PRRC2B: variants seen among roughly 807,000 people sequenced by gnomAD.
PRRC2B encodes the protein protein PRRC2B.
Under a neutral mutation model 242.3 loss-of-function variants are expected in PRRC2B, and 68 were observed. The observed-to-expected ratio is 0.28, with a 90% CI of 0.23 to 0.34. The LOEUF (loss-of-function observed/expected upper bound fraction) is 0.34. Ranked by LOEUF, PRRC2B falls within the 10% of genes least tolerant of loss-of-function variation. The pLI is 1.00. For synonymous variants in PRRC2B, 1,228 were observed against 1,173.6 expected (o/e 1.05, Z -0.95); for missense variants, 2,835 against 2,954.8 (o/e 0.96, Z 0.94).
At chr9:131,389,915 G>GTTGTT (rs1564271137), upstream of PRRC2B, among the ~76,000 whole-genome samples, 1 of 93,446 alleles carries the variant, frequency 1.1e-5, no homozygotes. Flanking sequence ...GAACATGGTT[G>GTTGTT]TTTTTTTTTT....
chr9:131,428,209 C>T (rs1361338466), intron 1 of PRRC2B, among the ~76,000 whole-genome samples: 4 of 151,924 alleles, frequency 2.6e-5, no homozygotes, highest in East Asian at 1.9e-4. Context: ...CGTGAGCCAC[C>T]GTGCCCGGCC....
chr9:131,486,077 G>T lies in PRRC2B; in HGVS notation c.5759-8G>T. 6.2e-7 allele frequency: 1 copy of T among 1,602,306 alleles called. No individual in the cohort carries two copies. The highest frequency in any genetic ancestry group is 8.5e-7 in the Non-Finnish European group (1 of 1,171,240). ...TCTTCTACGTCCCTTTTGCCGCTCT[G>T]TTTCCAGGCAGCCACCTCCCGCCCC... On this transcript the variant is annotated splice_polypyrimidine_tract_variant and splice_region_variant and intron_variant, in intron 25 of 31. Coordinates refer to ENST00000683519, the MANE Select transcript of PRRC2B (RefSeq NM_013318.4).
chr9:131,386,019 G>C (rs1836822590), intron 1 of PRRC2B, among the ~76,000 whole-genome samples: 1 of 150,472 alleles, frequency 6.6e-6, no homozygotes, highest in Non-Finnish European at 1.5e-5. Flanking sequence ...TCATCTCAGA[G>C]AGAAGTGCAG....
Position 131,403,936 on chromosome 9 carries a change from A to G in PRRC2B, c.-52+9673A>G, listed in dbSNP as rs1029064975. ...AACTTCTCTTATTTTTATTTTCAGT[A>G]ATACTTTTTTTTTCTTCCTTAGGGA... On this transcript the variant is annotated intron_variant, in intron 1 of 31. Coordinates refer to ENST00000683519, the MANE Select transcript of PRRC2B (RefSeq NM_013318.4). Among the ~76,000 whole-genome samples the G allele has an allele frequency of 3.9e-5, 6 of 152,000 alleles. No homozygotes were observed. The East Asian group carries it at 1.2e-3, about 29-fold the overall frequency.
Position 131,430,117 on chromosome 9 carries a change from T to C in PRRC2B, c.-28T>C, listed in dbSNP as rs758463851. 1 of 1,412,878 alleles carries C rather than the reference T, an allele frequency of 7.1e-7. No homozygotes were observed. Among genetic ancestry groups the C allele is most frequent in the Non-Finnish European group, 9.9e-7 (1 of 1,014,942 alleles). The allele number at this position is 1,412,878 out of a possible 1,614,324, so 87.5% of individuals were successfully genotyped here. A position where few individuals can be genotyped will look rare whatever the true frequency, so the allele number is the denominator to read the frequency against. ...AGATCGGGAGCGGTGCCGAGAAAAATTTCCTTACTAGATGACATTTCATCG... is the reference window on the plus strand; with the variant it reads ...AGATCGGGAGCGGTGCCGAGAAAAACTTCCTTACTAGATGACATTTCATCG... On this transcript the variant is annotated 5_prime_UTR_variant, in exon 2 of 32. Coordinates refer to ENST00000683519, the MANE Select transcript of PRRC2B (RefSeq NM_013318.4).
chr9:131,391,744 C>T (rs975033448), upstream of PRRC2B, among the ~76,000 whole-genome samples: 14 of 152,084 alleles, frequency 9.2e-5, no homozygotes, highest in Non-Finnish European at 1.5e-4. Context: ...CAGCCTCCTC[C>T]TATCATTTTG....
intron 1 of PRRC2B, among the ~76,000 whole-genome samples, chr9:131,398,203 C>T (rs914753140): frequency 6.6e-6 from 1 of 152,158 alleles, no homozygotes; most frequent in Non-Finnish European, 1.5e-5. Context: ...TTGCCATTGG[C>T]GATATTACTG....
At chr9:131,412,892 C>T (rs1339514882) in intron 1 of PRRC2B, among the ~76,000 whole-genome samples, 1 of 150,756 alleles carries the variant, frequency 6.6e-6, no homozygotes, top group Non-Finnish European at 1.5e-5. Flanking sequence ...CTCCTGGGCT[C>T]AGGAGATCCT....
At position 131,487,337 on chromosome 9, in the gene PRRC2B, AG is replaced by A. The variant is rs759188278; in HGVS notation, c.5984+46del. 1.1e-4 allele frequency: 153 copies of A among 1,381,808 alleles called. No individual in the cohort carries two copies. Among genetic ancestry groups the A allele is most frequent in the Non-Finnish European group, 1.5e-4 (151 of 1,037,558 alleles). 85.6% of individuals were successfully genotyped at this position (1,381,808 alleles called of 1,614,324 possible). On this transcript the variant is annotated intron_variant, in intron 27 of 31. Transcript: ENST00000683519. The surrounding 1 kb of genome is among the most constrained non-coding windows in gnomAD (Gnocchi z 5.3). ...CTTGCGGAGCTGGCAGCTCACAGCC[AG>A]GGCCTTGGCCCTGTGTGCAGCCTTC... is the stretch of plus-strand genomic sequence containing the variant.
At chr9:131,432,918 T>C in intron 3 of PRRC2B, 124 bp downstream of exon 3, 5 of 921,110 alleles carry the variant, frequency 5.4e-6, no homozygotes, top group South Asian at 1.7e-5. Context: ...AGTGGCAGAA[T>C]TGGAACACTG....
At chr9:131,454,870 A>G (rs1156849668) in intron 9 of PRRC2B, among the ~76,000 whole-genome samples, 1 of 149,142 alleles carries the variant, frequency 6.7e-6, no homozygotes, top group African/African-American at 2.6e-5. Context: ...TCCTGACCTC[A>G]TGATCCGCCC....
At chr9:131,389,423 C>T (rs1836870406), upstream of PRRC2B, among the ~76,000 whole-genome samples, 1 of 150,624 alleles carries the variant, frequency 6.6e-6, no homozygotes, top group African/African-American at 2.4e-5. Context: ...TCCCAAAGTG[C>T]TAGGATCACA....
At chr9:131,453,576 A>G (rs1056093746) in intron 9 of PRRC2B, among the ~76,000 whole-genome samples, 2 of 152,024 alleles carry the variant, frequency 1.3e-5, no homozygotes, top group African/African-American at 2.4e-5. Flanking sequence ...CTGTTGCCCA[A>G]GCTGGAGTGC....
At chr9:131,490,068 C>T (rs1244626545) in intron 28 of PRRC2B, among the ~76,000 whole-genome samples, 1 of 152,116 alleles carries the variant, frequency 6.6e-6, no homozygotes. Flanking sequence ...ATCTTTAGCT[C>T]AGATCTGTCC....
At chr9:131,449,181 A>G (rs1409228897) in intron 9 of PRRC2B, among the ~76,000 whole-genome samples, 1 of 152,196 alleles carries the variant, frequency 6.6e-6, no homozygotes, top group Admixed American at 6.5e-5. Context: ...AAGCCCCACT[A>G]TATACATCAT....
At chr9:131,414,770 A>G (rs1000899855) in intron 1 of PRRC2B, among the ~76,000 whole-genome samples, 59 of 151,846 alleles carry the variant, frequency 3.9e-4, no homozygotes, top group Non-Finnish European at 7.1e-4. Context: ...GGGTTTCACC[A>G]TATTGGCCAG....
chr9:131,490,511 C>T, intron 28 of PRRC2B: 1 of 519,136 alleles, frequency 1.9e-6, no homozygotes, highest in Non-Finnish European at 3.8e-6. Flanking sequence ...TCCAATAGAT[C>T]CTTCTGACCC....
Position 131,464,750 on chromosome 9 carries a change from A to AT in PRRC2B, c.1405-11dup, listed in dbSNP as rs1321995004. 1 of 1,564,288 alleles carries AT rather than the reference A, an allele frequency of 6.4e-7. No individual in the cohort carries two copies. The highest frequency in any genetic ancestry group is 1.4e-5 in the African/African-American group (1 of 73,630). ...GGACCCACCGCCTTATCTCAGAGAC[A>AT]TTCTCTTGGCAGAAGTCATCAATGG... On this transcript the variant is annotated splice_polypyrimidine_tract_variant and intron_variant, in intron 11 of 31. Transcript: ENST00000683519.
chr9:131,446,616 A>G lies in PRRC2B; in HGVS notation c.829A>G (p.Thr277Ala), dbSNP rs1838810009. The change falls in exon 7 of 32, where the codon ACA (threonine) becomes GCA (alanine). Residue 277 changes from threonine (T) to alanine (A), a missense_variant. This residue lies in a region of PRRC2B where 626 missense variants were observed against 685.5 expected (regional missense o/e 0.91). Transcript: ENST00000683519. The surrounding 1 kb of genome is among the most constrained non-coding windows in gnomAD (Gnocchi z 4.1). ...QFMGNVYHPP[T>A]YHDMLPAFMC... is the part of the protein sequence containing the mutation. ...CATGGGAAATGTATACCACCCACCT[A>G]CATACCATGACATGCTTCCTGCTTT... 1.2e-5 allele frequency: 19 copies of G among 1,613,942 alleles called. No homozygotes were observed. Among genetic ancestry groups the G allele is most frequent in the Non-Finnish European group, 1.6e-5 (19 of 1,179,878 alleles).
Sources: gnomAD v4.1 joint callset for allele counts (sites outside exome capture counted in the v4.1 genomes callset) on GRCh38, gnomAD v4.1.1 for gene constraint, gnomAD v4.1.1 regional missense constraint, Gnocchi (gnomAD v3.1) non-coding constraint, MANE v1.5 for transcripts, NCBI Gene and HGNC (gene_info 2026-07-23, HGNC 2026-07-21) for gene names.